Variants in SLC2A9 observed in about 807,000 individuals in gnomAD.
SLC2A9 encodes the protein solute carrier family 2, facilitated glucose transporter member 9.
Under a neutral mutation model 50.6 loss-of-function variants are expected in SLC2A9, and 39 were observed. The ratio of observed to expected loss-of-function variants is 0.77; its 90% CI spans 0.60 to 1.01. SLC2A9 has a LOEUF of 1.01. Ranked by LOEUF, SLC2A9 falls within the 50% of genes least tolerant of loss-of-function variation. SLC2A9 has a pLI of 0.00. For missense variants in SLC2A9, 686 were observed against 677.6 expected, an observed-to-expected ratio of 1.01 and a Z score of -0.14; for synonymous variants, 324 against 276.9, an observed-to-expected ratio of 1.17 and a Z score of -1.69.
chr4:9,887,778 G>T, intron 9 of SLC2A9, 136 bp from the exon 10 acceptor site: 1 of 523,268 alleles, frequency 1.9e-6, no homozygotes. Context: ...CCCAGCTTCA[G>T]CATCTATAAC....
At chr4:9,980,811 T>A in intron 4 of SLC2A9, 74 bp from the exon 5 acceptor site, 2 of 1,598,774 alleles carry the variant, frequency 1.3e-6, no homozygotes, top group Non-Finnish European at 1.7e-6. Context: ...ACAATGCCTC[T>A]CTTGGCTCTG....
chr4:9,816,639 T>A (rs570352498), intron 3 of SLC2A9, among the ~76,000 whole-genome samples: 4 of 152,270 alleles, frequency 2.6e-5, no homozygotes, highest in African/African-American at 9.6e-5. Context: ...ATCAAAACAT[T>A]GAGTTCTACA....
intron 1 of SLC2A9, among the ~76,000 whole-genome samples, chr4:10,032,043 A>C (rs1426281037): frequency 1.3e-5 from 2 of 152,212 alleles, no homozygotes; most frequent in Non-Finnish European, 2.9e-5. Flanking sequence ...TTGAGCACCT[A>C]CCTTGTGTCA....
chr4:9,941,039 A>G (rs1031581549), intron 6 of SLC2A9, among the ~76,000 whole-genome samples: 1 of 152,226 alleles, frequency 6.6e-6, no homozygotes, highest in African/African-American at 2.4e-5. Context: ...TGGGGCTCAG[A>G]AAGGTTTAAA....
In SLC2A9 at chr4:9,860,989, C is replaced by T. The variant is rs142185063; in HGVS notation, c.1292-25981G>A. Among the ~76,000 whole-genome samples, 55 of 152,276 alleles carry T rather than the reference C, an allele frequency of 3.6e-4. No homozygotes were observed. In the South Asian group the frequency reaches 5.4e-3, roughly 15 times the overall value. On this transcript the variant is annotated intron_variant, in intron 10 of 11. Transcript: ENST00000264784. ...TCTGTGGAGAGGCCTTCCCTGGCTA[C>T]CCTAAGATAGCATTTTCTCCATCAT...
intron 1 of SLC2A9, among the ~76,000 whole-genome samples, chr4:10,019,678 A>G (rs1205803084): frequency 6.6e-6 from 1 of 152,240 alleles, no homozygotes; most frequent in Non-Finnish European, 1.5e-5. Flanking sequence ...GACTGCCGAC[A>G]GCCAGACAGA....
intron 2 of SLC2A9, among the ~76,000 whole-genome samples, chr4:10,013,848 C>T (rs939540725): frequency 3.3e-5 from 5 of 152,148 alleles, no homozygotes; most frequent in Admixed American, 3.3e-4. Context: ...GCTGGAAAGG[C>T]GAAGCTGGCT....
At chr4:10,001,349 A>C (rs997330934) in intron 2 of SLC2A9, among the ~76,000 whole-genome samples, 1 of 152,172 alleles carries the variant, frequency 6.6e-6, no homozygotes, top group Non-Finnish European at 1.5e-5. Flanking sequence ...GCACAGGAGG[A>C]AGATGATGTA....
intron 10 of SLC2A9, among the ~76,000 whole-genome samples, chr4:9,874,242 T>C (rs1372721138): frequency 1.5e-5 from 2 of 132,344 alleles, no homozygotes; most frequent in Admixed American, 8.0e-5. Context: ...ATGGCACTTT[T>C]GCTATTAAAA....
In SLC2A9 at chr4:9,818,817, C is replaced by A. The variant is rs369796563; in HGVS notation, n.420+7603G>T. 2.2e-4 allele frequency among the ~76,000 whole-genome samples: 33 copies of A among 152,248 alleles called. 1 individual carries two copies. In the East Asian group the frequency reaches 2.7e-3, roughly 12 times the overall value. On this transcript the variant is annotated intron_variant and non_coding_transcript_variant, in intron 3 of 3. Transcript: ENST00000503280. ...CTTGTGAGTGTGTGTGGGATGGGGG[C>A]AGGTGAAAAGTATACAGGTCTTGGG...
At chr4:9,974,904 G>C (rs1754538551) in intron 5 of SLC2A9, among the ~76,000 whole-genome samples, 1 of 152,130 alleles carries the variant, frequency 6.6e-6, no homozygotes, top group African/African-American at 2.4e-5. Flanking sequence ...TACAAAAACA[G>C]ACACATAGAC....
intron 4 of SLC2A9, among the ~76,000 whole-genome samples, chr4:9,981,233 T>TG (rs1755748285): frequency 1.2e-3 from 2 of 1,628 alleles, no homozygotes; most frequent in East Asian, 0.02. Context: ...TGGTGATGAC[T>TG]GTGATGATGG....
chr4:9,891,818 G>C (rs977211587), intron 8 of SLC2A9, among the ~76,000 whole-genome samples: 1 of 152,202 alleles, frequency 6.6e-6, no homozygotes, highest in Non-Finnish European at 1.5e-5. Flanking sequence ...TGGGGGAAAA[G>C]GTTTTGGGGC....
chr4:9,991,460 T>C (rs1030037261), intron 3 of SLC2A9, among the ~76,000 whole-genome samples: 8 of 152,242 alleles, frequency 5.3e-5, no homozygotes, highest in Admixed American at 1.3e-4. Context: ...ACTACAATGA[T>C]TGGAAGGAGA....
At chr4:9,890,836 G>A in intron 8 of SLC2A9, 125 bp from the exon 9 acceptor site, 1 of 799,420 alleles carries the variant, frequency 1.3e-6, no homozygotes, top group South Asian at 1.5e-5. Flanking sequence ...GAGACAGTTG[G>A]GCCACCTTCT....
At chr4:9,828,090 A>T (rs1247853901) in intron 11 of SLC2A9, among the ~76,000 whole-genome samples, 1 of 152,222 alleles carries the variant, frequency 6.6e-6, no homozygotes, top group Non-Finnish European at 1.5e-5. Context: ...TGCCTGCTCT[A>T]GCCTTCCTCA....
intron 6 of SLC2A9, among the ~76,000 whole-genome samples, chr4:9,926,348 G>A (rs986680855): frequency 3.4e-5 from 5 of 149,010 alleles, no homozygotes; most frequent in Non-Finnish European, 7.4e-5. Flanking sequence ...ACATTGTTTC[G>A]GGGCCAATGG....
intron 10 of SLC2A9, chr4:9,880,243 A>G: frequency 1.0e-6 from 1 of 985,508 alleles, no homozygotes; most frequent in Non-Finnish European, 1.2e-6. Context: ...GTGAGTTTAA[A>G]TGAAGCTTCT....
intron 7 of SLC2A9, among the ~76,000 whole-genome samples, chr4:9,910,130 C>T (rs116692083): frequency 4.7e-4 from 71 of 152,340 alleles, no homozygotes; most frequent in African/African-American, 1.7e-3. Flanking sequence ...CCCATTTCTT[C>T]GAGCTTGCAG....
Sources: allele counts gnomAD v4.1 joint callset (sites outside exome capture counted in the v4.1 genomes callset), GRCh38; gene constraint gnomAD v4.1.1; transcripts MANE v1.5; gene names NCBI Gene and HGNC (gene_info 2026-07-23, HGNC 2026-07-21).